P2RY8: variants seen among roughly 807,000 people sequenced by gnomAD.
P2RY8 encodes the protein S-geranylgeranyl-glutathione receptor P2RY8.
A neutral mutation model predicts 10.0 loss-of-function variants in P2RY8; 6 were observed. The ratio of observed to expected loss-of-function variants is 0.60; its 90% CI spans 0.33 to 1.19. The LOEUF is 1.19. Among genes scored for constraint, P2RY8 ranks in the 50% most tolerant of loss-of-function variants. The pLI, the probability that P2RY8 is intolerant of heterozygous loss-of-function variation, is 0.04. For missense variants in P2RY8, 456 were observed against 542.0 expected, an observed-to-expected ratio of 0.84 and a Z score of 1.58; for synonymous variants, 276 against 252.5, an observed-to-expected ratio of 1.09 and a Z score of -0.88.
chrX:1,512,404 A>G lies in P2RY8; in HGVS notation c.-25+24517T>C, dbSNP rs142256506. On this transcript the variant is annotated intron_variant, in intron 1 of 1. Transcript: ENST00000381297. ...TCTACTAAAAACACAAAAATTAGCC[A>G]GGCGTGGTGGTGGGTACCTGTCATC... Among the ~76,000 whole-genome samples, 710 of 152,072 alleles carry G rather than the reference A, an allele frequency of 4.7e-3. 8 individuals are homozygous for G. The highest frequency in any genetic ancestry group is 0.016 in the African/African-American group (669 of 41,498).
At chrX:1,502,203 G>A (rs1178082277) in intron 1 of P2RY8, among the ~76,000 whole-genome samples, 4 of 152,164 alleles carry the variant, frequency 2.6e-5, no homozygotes, top group East Asian at 1.9e-4. Flanking sequence ...GAGCCACCAC[G>A]CCTGGCCTCA....
intron 1 of P2RY8, among the ~76,000 whole-genome samples, chrX:1,497,296 T>TG (rs2092126835): frequency 6.6e-6 from 1 of 151,744 alleles, no homozygotes; most frequent in South Asian, 2.1e-4. Context: ...TGTTTTTTTT[T>TG]TTAAATAGCA....
chrX:1,504,280 C>T (rs751238367), intron 1 of P2RY8, among the ~76,000 whole-genome samples: 31 of 150,932 alleles, frequency 2.1e-4, no homozygotes, highest in Non-Finnish European at 3.5e-4. Context: ...GGCGCCACTG[C>T]ACTCCAGCCT....
At chrX:1,497,782 G>C (rs1309694769) in intron 1 of P2RY8, among the ~76,000 whole-genome samples, 3 of 152,152 alleles carry the variant, frequency 2.0e-5, no homozygotes, top group African/African-American at 7.2e-5. Flanking sequence ...AGGCTGGTGA[G>C]AGATGGTTGG....
chrX:1,499,904 G>A (rs2092157742), intron 1 of P2RY8, among the ~76,000 whole-genome samples: 1 of 151,696 alleles, frequency 6.6e-6, no homozygotes, highest in South Asian at 2.1e-4. Context: ...TGTGGCCCAG[G>A]CTGGAGTGCA....
At chrX:1,531,098 C>CTATCTATCTATA (rs2092472479) in intron 1 of P2RY8, among the ~76,000 whole-genome samples, 1 of 151,434 alleles carries the variant, frequency 6.6e-6, no homozygotes, top group African/African-American at 2.4e-5. Context: ...ATCTATCTAT[C>CTATCTATCTATA]TAATTTGTCA....
At chrX:1,497,526 C>T (rs1283408081) in intron 1 of P2RY8, among the ~76,000 whole-genome samples, 3 of 151,420 alleles carry the variant, frequency 2.0e-5, no homozygotes, top group Admixed American at 6.6e-5. Flanking sequence ...GGCATGGTGG[C>T]GGGTGCCTGT....
chrX:1,524,835 AT>A (rs1234815222), intron 1 of P2RY8, among the ~76,000 whole-genome samples: 5 of 110,414 alleles, frequency 4.5e-5, no homozygotes, highest in Non-Finnish European at 1.1e-4. Context: ...CCATCCATCC[AT>A]CCATCCATCC....
rs2091628989 is a variant in P2RY8, at chrX:1,464,221, T to C, written c.*1258A>G. The stretch of plus-strand genomic sequence containing the variant: ...TCGCCCAAGAGAGCCTGGGATCCAA[T>C]TCCACGTGATGTCCCAGCACCCCTG... On this transcript the variant is annotated 3_prime_UTR_variant, in exon 2 of 2. Transcript: ENST00000381297. 1.3e-5 allele frequency: 3 copies of C among 233,240 alleles called. No individual in the cohort carries two copies. The East Asian group carries it at 1.8e-4, about 14-fold the overall frequency. The allele number at this position is 233,240 out of a possible 1,614,324, so 14.4% of individuals were successfully genotyped here.
chrX:1,529,713 ATCATATCTAGC>A (rs2092460279), intron 1 of P2RY8, among the ~76,000 whole-genome samples: 1 of 152,108 alleles, frequency 6.6e-6, no homozygotes, highest in Non-Finnish European at 1.5e-5. Context: ...TTATCTATAT[ATCATATCTAGC>A]TCTCTGGCAC....
intron 1 of P2RY8, among the ~76,000 whole-genome samples, chrX:1,491,841 T>A (rs1395573258): frequency 6.6e-6 from 1 of 151,946 alleles, no homozygotes; most frequent in Non-Finnish European, 1.5e-5. Context: ...GCAGAGCGAA[T>A]GAGTGATGGA....
At chrX:1,484,370 G>GA (rs1393841250) in intron 1 of P2RY8, among the ~76,000 whole-genome samples, 3 of 152,062 alleles carry the variant, frequency 2.0e-5, no homozygotes, top group African/African-American at 7.2e-5. Context: ...CAGGCCCACA[G>GA]AAAAGGATAT....
chrX:1,470,821 A>G lies in P2RY8; in HGVS notation c.-24-4239T>C, dbSNP rs2091775179. Among the ~76,000 whole-genome samples, 5 of 146,432 alleles carry G rather than the reference A, an allele frequency of 3.4e-5. No homozygotes were observed. In the South Asian group the frequency reaches 1.1e-3, roughly 31 times the overall value. ...TTTATTCATTCTCCTGTGGATGGAC[A>G]TTTTTGTTCTTTCTGATTTTTTTTT... On this transcript the variant is annotated intron_variant, in intron 1 of 1. Coordinates refer to ENST00000381297, the MANE Select transcript of P2RY8 (RefSeq NM_178129.5).
chrX:1,480,131 A>G (rs2091917854), intron 1 of P2RY8, among the ~76,000 whole-genome samples: 1 of 152,148 alleles, frequency 6.6e-6, no homozygotes, highest in Admixed American at 6.6e-5. Context: ...CCAAATATCC[A>G]CCCAATAAAT....
chrX:1,472,757 G>A (rs1257167832), intron 1 of P2RY8, among the ~76,000 whole-genome samples: 1 of 143,720 alleles, frequency 7.0e-6, no homozygotes, highest in African/African-American at 2.6e-5. Context: ...ATAGATCAGT[G>A]TTTAGGTGGA....
chrX:1,482,154 GT>G (rs1478020223), intron 1 of P2RY8, among the ~76,000 whole-genome samples: 1 of 113,454 alleles, frequency 8.8e-6, no homozygotes, highest in Non-Finnish European at 1.8e-5. Context: ...ATTAATTTGT[GT>G]GTGTGGTGTG....
At chrX:1,504,898 C>T (rs1390254431) in intron 1 of P2RY8, among the ~76,000 whole-genome samples, 3 of 151,724 alleles carry the variant, frequency 2.0e-5, no homozygotes, top group Non-Finnish European at 2.9e-5. Context: ...TTTGGGAAGC[C>T]GAGGCGGGTG....
At chrX:1,530,141 GTATGTATGTATGTATGATCTATCTATC>G (rs1337523386) in intron 1 of P2RY8, among the ~76,000 whole-genome samples, 109 of 5,536 alleles carry the variant, frequency 0.02, no homozygotes, top group Admixed American at 0.028. Context: ...ATGTATGTAT[GTATGTATGTATGTATGATCTATCTATC>G]TATCTATCTA....
intron 1 of P2RY8, among the ~76,000 whole-genome samples, chrX:1,475,227 A>T (rs1313564177): frequency 7.2e-6 from 1 of 138,842 alleles, no homozygotes; most frequent in African/African-American, 2.7e-5. Flanking sequence ...GGATGGATGG[A>T]TGAGTGGGTG....
Sources: gnomAD v4.1 joint callset for allele counts (sites outside exome capture counted in the v4.1 genomes callset) on GRCh38, gnomAD v4.1.1 for gene constraint, MANE v1.5 for transcripts, NCBI Gene and HGNC (gene_info 2026-07-23, HGNC 2026-07-21) for gene names.